The following TPX2 variants were observed in gnomAD, a reference collection of about 807,000 sequenced individuals.
TPX2 encodes the protein targeting protein for Xklp2.
A neutral mutation model predicts 93.6 loss-of-function variants in TPX2; 21 were observed. The ratio of observed to expected loss-of-function variants is 0.22; its 90% CI spans 0.16 to 0.32. TPX2 has a LOEUF of 0.32. TPX2 is among the 10% of genes least tolerant of loss of function. TPX2 has a pLI of 1.00. For synonymous variants in TPX2, 281 were observed against 298.3 expected, an observed-to-expected ratio of 0.94 and a Z score of 0.60; for missense variants, 776 against 871.1, an observed-to-expected ratio of 0.89 and a Z score of 1.37.
Position 31,800,967 on chromosome 20 carries a change from C to T in TPX2, c.2134-3C>T. On this transcript the variant is annotated splice_region_variant and splice_polypyrimidine_tract_variant and intron_variant, in intron 17 of 17. Transcript: ENST00000300403. ...TCACTGGTAACTTTTCCTTACTTTG[C>T]AGGTGCATAAGGCAAATCCAATACG... is the stretch of plus-strand genomic sequence containing the variant. 1 of 1,612,460 alleles carries T rather than the reference C, an allele frequency of 6.2e-7. No individual in the cohort carries two copies. Among genetic ancestry groups the T allele is most frequent in the Non-Finnish European group, 8.5e-7 (1 of 1,178,512 alleles).
intron 11 of TPX2, 132 bp downstream of exon 11, chr20:31,782,522 G>A: frequency 1.8e-6 from 2 of 1,121,214 alleles, no homozygotes; most frequent in Non-Finnish European, 2.5e-6. Context: ...GGCTCTGCAG[G>A]CTACGCCCCT....
chr20:31,792,020 A>G (rs1207859040), intron 12 of TPX2, among the ~76,000 whole-genome samples: 1 of 152,240 alleles, frequency 6.6e-6, no homozygotes, highest in Non-Finnish European at 1.5e-5. Flanking sequence ...CATTTATTCC[A>G]CAACGATTTG....
chr20:31,743,421 C>G lies in TPX2; in HGVS notation c.-71+774C>G, dbSNP rs186014532. 3.4e-3 allele frequency among the ~76,000 whole-genome samples: 516 copies of G among 152,144 alleles called. 2 individuals are homozygous for G. Among genetic ancestry groups the G allele is most frequent in the Non-Finnish European group, 5.2e-3 (356 of 67,986 alleles). ...AAAGTCTAGGCTGGGTACAGTGGCT[C>G]AGGCCTGTAATCCCACCACTTTGGG... On this transcript the variant is annotated intron_variant, in intron 2 of 17. Coordinates refer to ENST00000300403, the MANE Select transcript of TPX2 (RefSeq NM_012112.5).
intron 1 of TPX2, among the ~76,000 whole-genome samples, chr20:31,741,184 C>CT (rs1353529566): frequency 3.3e-5 from 5 of 152,294 alleles, no homozygotes; most frequent in Admixed American, 3.3e-4. Flanking sequence ...TGTCTCTTCC[C>CT]TAATTCTCTT....
chr20:31,744,262 A>C (rs1320807975), intron 2 of TPX2, among the ~76,000 whole-genome samples: 2 of 145,100 alleles, frequency 1.4e-5, no homozygotes, highest in Non-Finnish European at 3.0e-5. Flanking sequence ...TCCCAGGTTC[A>C]AGCAATTCTC....
intron 9 of TPX2, 65 bp from the exon 10 acceptor site, chr20:31,778,748 T>C: frequency 7.0e-7 from 1 of 1,423,836 alleles, no homozygotes; most frequent in Non-Finnish European, 9.4e-7. Context: ...GCCGAATATG[T>C]GGCTTATGGT....
At chr20:31,779,365 A>G (rs993945243) in intron 10 of TPX2, among the ~76,000 whole-genome samples, 2 of 152,230 alleles carry the variant, frequency 1.3e-5, no homozygotes, top group African/African-American at 2.4e-5. Context: ...TGGTCCACCA[A>G]AATTTTTACT....
chr20:31,763,500 C>T (rs2061903343), intron 4 of TPX2, among the ~76,000 whole-genome samples: 1 of 151,910 alleles, frequency 6.6e-6, no homozygotes, highest in South Asian at 2.1e-4. Flanking sequence ...TTATTTATGG[C>T]TGTTGTATTC....
At chr20:31,797,755 C>T (rs762636648) in intron 16 of TPX2, among the ~76,000 whole-genome samples, 1 of 152,172 alleles carries the variant, frequency 6.6e-6, no homozygotes, top group Non-Finnish European at 1.5e-5. Context: ...AAGCAGCTGG[C>T]ATTTCAACAA....
chr20:31,770,258 T>C (rs1019511039), intron 5 of TPX2, 85 bp from the exon 6 acceptor site: 9 of 982,610 alleles, frequency 9.2e-6, no homozygotes, highest in Non-Finnish European at 2.7e-6. Context: ...CTTTGTAGTT[T>C]GACATCCTTT....
chr20:31,773,306 C>T (rs1002739822), intron 7 of TPX2, among the ~76,000 whole-genome samples: 1 of 152,070 alleles, frequency 6.6e-6, no homozygotes, highest in African/African-American at 2.4e-5. Flanking sequence ...CACCTGCCAC[C>T]ACACCTGGCT....
intron 6 of TPX2, 58 bp from the exon 7 acceptor site, chr20:31,771,502 G>A (rs2061964079): frequency 1.3e-6 from 2 of 1,570,886 alleles, no homozygotes; most frequent in South Asian, 1.2e-5. Flanking sequence ...TTGGGGAGGA[G>A]GGTACAGGCT....
intron 10 of TPX2, among the ~76,000 whole-genome samples, chr20:31,781,723 G>C (rs1357389521): frequency 6.6e-6 from 1 of 151,680 alleles, no homozygotes; most frequent in Non-Finnish European, 1.5e-5. Context: ...TGGGTGGATT[G>C]CTTGAGCCCA....
intron 12 of TPX2, among the ~76,000 whole-genome samples, chr20:31,786,940 C>T (rs2062071099): frequency 6.6e-6 from 1 of 152,036 alleles, no homozygotes; most frequent in Admixed American, 6.6e-5. Flanking sequence ...GAAGTGTTTG[C>T]CAAATCCAGC....
At chr20:31,767,679 G>A (rs117697155) in intron 5 of TPX2, among the ~76,000 whole-genome samples, 2,912 of 151,934 alleles carry the variant, frequency 0.019, 40 homozygotes, top group Non-Finnish European at 0.028. Context: ...AACCTCCTGC[G>A]TAGCTGGGAC....
intron 12 of TPX2, among the ~76,000 whole-genome samples, chr20:31,789,954 A>G (rs2062089901): frequency 6.6e-6 from 1 of 152,138 alleles, no homozygotes; most frequent in Admixed American, 6.5e-5. Context: ...TTATTAAAAA[A>G]CCCCAAGGCC....
chr20:31,748,476 C>A (rs2122954814), intron 2 of TPX2, among the ~76,000 whole-genome samples: 1 of 152,264 alleles, frequency 6.6e-6, no homozygotes, highest in Admixed American at 6.5e-5. Context: ...CAGATCAGAG[C>A]TTTCCAAATA....
At chr20:31,770,136 T>A (rs1172278744) in intron 5 of TPX2, among the ~76,000 whole-genome samples, 1 of 152,118 alleles carries the variant, frequency 6.6e-6, no homozygotes, top group Non-Finnish European at 1.5e-5. Context: ...GAGGTCACAT[T>A]TATAGACACC....
Position 31,771,582 on chromosome 20 carries a change from G to C in TPX2, c.508G>C (p.Glu170Gln), listed in dbSNP as rs1424613527. 1 of 1,611,242 alleles carries C rather than the reference G, an allele frequency of 6.2e-7. No individual in the cohort carries two copies. Among genetic ancestry groups the C allele is most frequent in the African/African-American group, 1.3e-5 (1 of 74,872 alleles). Residue 170 changes from glutamate to glutamine, a missense_variant, in exon 7 of 18, where the codon GAG (glutamate) becomes CAG (glutamine). This residue lies in a region of TPX2 where 279 missense variants were observed against 261.6 expected (regional missense o/e 1.07). Coordinates refer to ENST00000300403, the MANE Select transcript of TPX2 (RefSeq NM_012112.5). Reference protein sequence around the residue: ...MKVSNNKKKPEEEGSAHQDTA... With the variant: ...MKVSNNKKKPQEEGSAHQDTA... ...AAGTTCTAACAACAAAAAGAAGCCA[G>C]AGGAAGAAGGCAGTGCTCATCAAGA... is the stretch of plus-strand genomic sequence containing the variant.
Sources: gnomAD v4.1 joint callset for allele counts (sites outside exome capture counted in the v4.1 genomes callset) on GRCh38, gnomAD v4.1.1 for gene constraint, gnomAD v4.1.1 regional missense constraint, MANE v1.5 for transcripts, NCBI Gene and HGNC (gene_info 2026-07-23, HGNC 2026-07-21) for gene names.